Variants in EIF2B1 observed in about 807,000 individuals in gnomAD.
The protein encoded by EIF2B1 is eukaryotic translation initiation factor 2B subunit alpha, also known as translation initiation factor eIF2B subunit alpha.
In EIF2B1, 30 loss-of-function variants were observed where a neutral mutation model predicts 36.8. The observed-to-expected ratio is 0.81, with a 90% CI of 0.61 to 1.10. The LOEUF (loss-of-function observed/expected upper bound fraction) is 1.10. Ranked by LOEUF, EIF2B1 falls within the 50% of genes least tolerant of loss-of-function variation. EIF2B1 has a pLI of 0.00. For missense variants in EIF2B1, 271 were observed against 374.8 expected (o/e 0.72, Z 2.29); for synonymous variants, 139 against 142.2 (o/e 0.98, Z 0.16).
At chr12:123,625,337 TA>T (rs1955140484) in intron 6 of EIF2B1, among the ~76,000 whole-genome samples, 1 of 152,052 alleles carries the variant, frequency 6.6e-6, no homozygotes, top group Non-Finnish European at 1.5e-5. Context: ...CCCAAACCTC[TA>T]CCTCTTAGGC....
intron 7 of EIF2B1, among the ~76,000 whole-genome samples, 173 bp downstream of exon 7, chr12:123,624,614 T>C (rs1955134515): frequency 6.6e-6 from 1 of 152,178 alleles, no homozygotes; most frequent in Non-Finnish European, 1.5e-5. Context: ...TGACTGAAAC[T>C]GGACTGCCCA....
intron 2 of EIF2B1, among the ~76,000 whole-genome samples, chr12:123,631,621 A>C (rs765655245): frequency 6.6e-6 from 1 of 151,954 alleles, no homozygotes; most frequent in Non-Finnish European, 1.5e-5. Flanking sequence ...ATTCTGGCTA[A>C]CAAAGTGAAA....
At chr12:123,633,428 G>A (rs1955218080) in intron 1 of EIF2B1, 117 bp downstream of exon 1, 2 of 1,476,888 alleles carry the variant, frequency 1.4e-6, no homozygotes, top group Non-Finnish European at 1.9e-6. Context: ...CACAACCAGC[G>A]GAGCAGCCTG....
intron 4 of EIF2B1, 141 bp from the exon 5 acceptor site, chr12:123,627,297 G>T: frequency 1.3e-6 from 1 of 751,562 alleles, no homozygotes; most frequent in Non-Finnish European, 2.3e-6. Context: ...AAGGAGACCT[G>T]ATGGTACAGT....
chr12:123,632,458 G>C lies in EIF2B1; in HGVS notation c.14-12C>G. The C allele has an allele frequency of 1.3e-6, 2 of 1,575,804 alleles. No individual in the cohort carries two copies. The highest frequency in any genetic ancestry group is 1.7e-6 in the Non-Finnish European group (2 of 1,146,664). ...GTATTCAATTAACTCTGGAAAAAGGGAAAAAAGTGATTCACCTAATTCATT... is the reference window on the plus strand; with the variant it reads ...GTATTCAATTAACTCTGGAAAAAGGCAAAAAAGTGATTCACCTAATTCATT... On this transcript the variant is annotated splice_polypyrimidine_tract_variant and intron_variant, in intron 1 of 8. Coordinates refer to ENST00000424014, the MANE Select transcript of EIF2B1 (RefSeq NM_001414.4).
rs1314091904 is a variant in EIF2B1, at chr12:123,621,569, C to T, written c.*187G>A. On this transcript the variant is annotated 3_prime_UTR_variant, in exon 9 of 9. Coordinates refer to ENST00000424014, the MANE Select transcript of EIF2B1 (RefSeq NM_001414.4). Reference sequence around the variant, plus strand: ...CAATTTAAGTTGGGATTTAGAATAGCTGACACATTTTTAGATGGGACTGAA... The same window carrying T: ...CAATTTAAGTTGGGATTTAGAATAGTTGACACATTTTTAGATGGGACTGAA... 1.4e-6 allele frequency: 1 copy of T among 693,032 alleles called. No homozygotes were observed. The highest frequency in any genetic ancestry group is 1.8e-5 in the African/African-American group (1 of 56,176). 42.9% of individuals were successfully genotyped at this position (693,032 alleles called of 1,614,324 possible). A position where few individuals can be genotyped will look rare whatever the true frequency, so the allele number is the denominator to read the frequency against.
At chr12:123,626,600 C>T (rs1168136958) in intron 5 of EIF2B1, 107 bp from the exon 6 acceptor site, 2 of 1,267,920 alleles carry the variant, frequency 1.6e-6, no homozygotes, top group African/African-American at 1.5e-5. Context: ...CACATTAATA[C>T]TAATGGGTTA....
At position 123,626,977 on chromosome 12, in the gene EIF2B1, G is replaced by A. The variant is rs529626101; in HGVS notation, c.482+67C>T. ...GCACATTCTGGTTCTGATCCTGTTG[G>A]ACTGTAATCCGCAGTTTGCTCTGTA... On this transcript the variant is annotated intron_variant, in intron 5 of 8. Coordinates refer to ENST00000424014, the MANE Select transcript of EIF2B1 (RefSeq NM_001414.4). 6.7e-5 allele frequency: 95 copies of A among 1,415,738 alleles called. No homozygotes were observed. The South Asian group carries it at 1.1e-3, about 16-fold the overall frequency. 87.7% of individuals were successfully genotyped at this position (1,415,738 alleles called of 1,614,324 possible). A position where few individuals can be genotyped will look rare whatever the true frequency, so the allele number is the denominator to read the frequency against.
Position 123,621,349 on chromosome 12 carries a change from CAGCTGTTGGTCAT to C in EIF2B1, c.*394_*406del. 9.2e-6 allele frequency: 3 copies of C among 326,480 alleles called. No individual in the cohort carries two copies. The highest frequency in any genetic ancestry group is 7.7e-5 in the South Asian group (3 of 38,926). 20.2% of individuals were successfully genotyped at this position (326,480 alleles called of 1,614,324 possible). On this transcript the variant is annotated 3_prime_UTR_variant, in exon 9 of 9. Transcript: ENST00000424014. The stretch of plus-strand genomic sequence containing the variant: ...AAGGCACCGCGTGTAACGTCCTGAC[CAGCTGTTGGTCAT>C]TTGTGGCAGAGGGGTGTGGCTGCTT...
intron 7 of EIF2B1, among the ~76,000 whole-genome samples, chr12:123,624,307 G>A (rs1955131899): frequency 7.3e-6 from 1 of 137,606 alleles, no homozygotes; most frequent in Non-Finnish European, 1.6e-5. Context: ...CGCCCAGGCT[G>A]GAATGCAGTA....
At chr12:123,631,460 G>A (rs1478749627) in intron 2 of EIF2B1, among the ~76,000 whole-genome samples, 1 of 151,656 alleles carries the variant, frequency 6.6e-6, no homozygotes, top group East Asian at 1.9e-4. Flanking sequence ...ATCACCTGAG[G>A]CTAGGAGTTT....
rs1955100915 is a variant in EIF2B1, at chr12:123,621,746, G to A, written c.*10C>T. The A allele has an allele frequency of 1.2e-6, 2 of 1,613,140 alleles. No homozygotes were observed. Among genetic ancestry groups the A allele is most frequent in the African/African-American group, 1.3e-5 (1 of 74,900 alleles). ...CGTAAGCTGCACCTTGGCAGGAAAG[G>A]GCTCACAGGTTACAGATAGAGCTTG... is the stretch of plus-strand genomic sequence containing the variant. On this transcript the variant is annotated 3_prime_UTR_variant, in exon 9 of 9. Coordinates refer to ENST00000424014, the MANE Select transcript of EIF2B1 (RefSeq NM_001414.4).
At chr12:123,625,689 G>A (rs1955143374) in intron 6 of EIF2B1, among the ~76,000 whole-genome samples, 1 of 152,184 alleles carries the variant, frequency 6.6e-6, no homozygotes, top group Non-Finnish European at 1.5e-5. Flanking sequence ...CCAGGAACAT[G>A]TGACTTGGCT....
chr12:123,623,974 C>T (rs1465650728), intron 7 of EIF2B1, among the ~76,000 whole-genome samples: 3 of 151,738 alleles, frequency 2.0e-5, no homozygotes, highest in Non-Finnish European at 4.4e-5. Context: ...GAGTTCAAGA[C>T]TGCAGTAAGC....
rs746435041 is a variant in EIF2B1 at position 123,621,902 on chromosome 12, TGA to T, written c.770_771del (p.Leu257GlnfsTer42). The T allele has an allele frequency of 5.6e-6, 9 of 1,614,046 alleles. No homozygotes were observed. Among genetic ancestry groups the T allele is most frequent in the Admixed American group, 1.7e-5 (1 of 60,026 alleles). ...AGGTCTTGTCCAGTCTGCGCGACCT[TGA>T]GAGTGTCTGCCTTATACTGAGGAGA... ...PDKFKYKADTLKVAQTGQDLK... is the reference protein window; with the variant it reads ...PDKFKYKADTXKVAQTGQDLK... On this transcript the variant is annotated frameshift_variant, in exon 9 of 9. Transcript: ENST00000424014. LOFTEE classifies it high-confidence loss of function.
chr12:123,624,343 C>T (rs565934804), intron 7 of EIF2B1, among the ~76,000 whole-genome samples: 191 of 149,410 alleles, frequency 1.3e-3, no homozygotes, highest in African/African-American at 4.5e-3. Flanking sequence ...ACTGCAACCT[C>T]AAATTCCTGG....
intron 7 of EIF2B1, among the ~76,000 whole-genome samples, chr12:123,623,352 C>T (rs1440643943): frequency 1.3e-5 from 2 of 152,152 alleles, no homozygotes; most frequent in Admixed American, 1.3e-4. Flanking sequence ...TGCCATTGCA[C>T]TCCAGCCTGG....
In EIF2B1 at chr12:123,626,799, TTCA is replaced by T. The variant is rs201561704; in HGVS notation, c.482+242_482+244del. On this transcript the variant is annotated intron_variant, in intron 5 of 8. Coordinates refer to ENST00000424014, the MANE Select transcript of EIF2B1 (RefSeq NM_001414.4). Reference sequence around the variant, plus strand: ...AGTTACCTATTCCTTGATAAAAATCTTCATCAATACAATCTCTGCTCTTCCACG... The same window carrying T: ...AGTTACCTATTCCTTGATAAAAATCTTCAATACAATCTCTGCTCTTCCACG... The T allele has an allele frequency of 3.8e-3, 2,538 of 674,488 alleles. 56 individuals are homozygous for T. In the Admixed American group the frequency reaches 0.044, roughly 12 times the overall value. 41.8% of individuals were successfully genotyped at this position (674,488 alleles called of 1,614,324 possible).
intron 5 of EIF2B1, 67 bp downstream of exon 5, chr12:123,626,977 G>T: frequency 7.1e-7 from 1 of 1,415,736 alleles, no homozygotes; most frequent in Non-Finnish European, 1.0e-6. Context: ...GATCCTGTTG[G>T]ACTGTAATCC....
Sources: allele counts gnomAD v4.1 joint callset (sites outside exome capture counted in the v4.1 genomes callset), GRCh38; gene constraint gnomAD v4.1.1; transcripts MANE v1.5; gene names NCBI Gene and HGNC (gene_info 2026-07-23, HGNC 2026-07-21).